AK9: variants seen among roughly 807,000 people sequenced by gnomAD.
AK9 encodes the protein adenylate kinase 9, also known as adenylate kinase domain containing 1.
Under a neutral mutation model 239.6 loss-of-function variants are expected in AK9, and 191 were observed. That is an observed-to-expected ratio of 0.80 (90% CI 0.71 to 0.90). AK9 has a LOEUF of 0.90. Among genes scored for constraint, AK9 ranks in the 40% least tolerant of loss-of-function variants. AK9 has a pLI of 0.00. For synonymous variants in AK9, 689 were observed against 721.0 expected (o/e 0.96, Z 0.71); for missense variants, 1,995 against 2,214.7 (o/e 0.90, Z 1.99).
Position 109,585,156 on chromosome 6 carries a change from A to G in AK9, c.2081T>C (p.Leu694Pro). 1 of 1,116,728 alleles carries G rather than the reference A, an allele frequency of 9.0e-7. No homozygotes were observed. Among genetic ancestry groups the G allele is most frequent in the South Asian group, 2.0e-5 (1 of 51,178 alleles). 69.2% of individuals were successfully genotyped at this position (1,116,728 alleles called of 1,614,324 possible). The change falls in exon 19 of 41, where the codon CTA becomes CCA. Residue 694 changes from leucine to proline, a missense_variant. Leu to Pro is a moderately conservative substitution (Grantham distance 98). Transcript: ENST00000424296. ...SKILERLLEE[L>P]QKKKKEEEEA... ...TTCTTCTTCTTTTTTTTTCTTTTGT[A>G]GTTCTTCTAATAATCTTTCTAAAAT...
intron 35 of AK9, 97 bp downstream of exon 35, chr6:109,506,230 G>A (rs1363732454): frequency 9.1e-7 from 1 of 1,093,540 alleles, no homozygotes; most frequent in Non-Finnish European, 1.4e-6. Flanking sequence ...AGTCACGCCT[G>A]ACTCATGTTC....
chr6:109,542,249 AG>A (rs1329215827), intron 26 of AK9, 78 bp from the exon 27 acceptor site: 14 of 1,370,028 alleles, frequency 1.0e-5, no homozygotes, highest in Non-Finnish European at 1.4e-5. Context: ...CATATGTGAA[AG>A]TTAAAGAGGA....
rs542761305 is a variant in AK9, at chr6:109,683,979, C to T, written c.-12+7168G>A. ...AATAAGAACAAAGCTGGAGGCATCA[C>T]GCTACCTGACTTCAAACTATACTAC... On this transcript the variant is annotated intron_variant, in intron 1 of 40. Transcript: ENST00000424296. Among the ~76,000 whole-genome samples, 22 of 152,242 alleles carry T rather than the reference C, an allele frequency of 1.4e-4. 1 individual carries two copies. The South Asian group carries it at 1.5e-3, about 10-fold the overall frequency.
chr6:109,562,097 G>T (rs1264592846), intron 24 of AK9, among the ~76,000 whole-genome samples: 1 of 152,038 alleles, frequency 6.6e-6, no homozygotes, highest in Non-Finnish European at 1.5e-5. Context: ...TATATATTGT[G>T]CAAATATTCA....
chr6:109,641,548 T>C lies in AK9; in HGVS notation c.903A>G (p.Ala301=), dbSNP rs749723294. 5 of 1,613,390 alleles carry C rather than the reference T, an allele frequency of 3.1e-6. No homozygotes were observed. The highest frequency in any genetic ancestry group is 1.7e-5 in the Admixed American group (1 of 59,968). Residue 301 remains alanine (A), a synonymous_variant, in exon 10 of 41, where the codon GCA becomes GCG. Transcript: ENST00000424296. ...RAAILTKLQG[A]EEEINDTMEN... ...CCATTGTGTCATTAATTTCTTCCTC[T>C]GCACCCTGAAGTTTGGTTAGAATAG... is the stretch of plus-strand genomic sequence containing the variant.
chr6:109,689,619 G>A (rs1312561447), intron 1 of AK9, among the ~76,000 whole-genome samples: 1 of 152,198 alleles, frequency 6.6e-6, no homozygotes, highest in Admixed American at 6.5e-5. Flanking sequence ...AGCCCACAGA[G>A]AAATTTCTCT....
chr6:109,596,849 G>C (rs1332976364), intron 17 of AK9, among the ~76,000 whole-genome samples: 2 of 152,070 alleles, frequency 1.3e-5, no homozygotes, highest in Admixed American at 6.5e-5. Flanking sequence ...TTTCCTTTGG[G>C]TAGATACCCA....
chr6:109,690,977 C>T (rs1774309520), intron 1 of AK9, among the ~76,000 whole-genome samples, 170 bp downstream of exon 1: 1 of 152,128 alleles, frequency 6.6e-6, no homozygotes, highest in Admixed American at 6.6e-5. Flanking sequence ...GAAAATGGGC[C>T]GCAGCAGGCA....
At chr6:109,653,684 TTCTC>T (rs1554284248) in intron 8 of AK9, among the ~76,000 whole-genome samples, 9 of 150,114 alleles carry the variant, frequency 6.0e-5, no homozygotes, top group African/African-American at 1.5e-4. Flanking sequence ...TTTTTTTTTT[TTCTC>T]TCTCTTTCTT....
chr6:109,657,613 A>G (rs930541053), intron 7 of AK9, among the ~76,000 whole-genome samples: 19 of 151,522 alleles, frequency 1.3e-4, no homozygotes, highest in African/African-American at 4.6e-4. Context: ...GGTTTGTTAC[A>G]TATGTATACA....
At chr6:109,518,863 A>G (rs1168692068) in intron 29 of AK9, among the ~76,000 whole-genome samples, 6 of 151,978 alleles carry the variant, frequency 3.9e-5, no homozygotes, top group South Asian at 2.1e-4. Context: ...GGCTTGTTAC[A>G]AGGGTATATT....
At chr6:109,680,150 C>T (rs923406193) in intron 1 of AK9, among the ~76,000 whole-genome samples, 4 of 152,108 alleles carry the variant, frequency 2.6e-5, no homozygotes, top group Admixed American at 2.6e-4. Context: ...TAATAACAAA[C>T]TCCTCCGAGC....
intron 8 of AK9, among the ~76,000 whole-genome samples, chr6:109,655,235 T>C (rs1355245701): frequency 6.6e-6 from 1 of 152,198 alleles, no homozygotes; most frequent in East Asian, 1.9e-4. Flanking sequence ...CCTGTTCATC[T>C]TTTAAATTTT....
At chr6:109,518,927 T>C (rs925212319) in intron 29 of AK9, among the ~76,000 whole-genome samples, 3 of 152,114 alleles carry the variant, frequency 2.0e-5, no homozygotes, top group Non-Finnish European at 4.4e-5. Context: ...ATAGTCAGCA[T>C]AGTACTCAAT....
At chr6:109,661,318 T>C (rs1800384062) in intron 6 of AK9, among the ~76,000 whole-genome samples, 1 of 152,220 alleles carries the variant, frequency 6.6e-6, no homozygotes, top group Non-Finnish European at 1.5e-5. Flanking sequence ...AATGGCAGTC[T>C]TGTTTTGCCT....
intron 12 of AK9, among the ~76,000 whole-genome samples, chr6:109,622,171 T>C (rs946348833): frequency 2.1e-5 from 3 of 146,148 alleles, no homozygotes; most frequent in Non-Finnish European, 4.5e-5. Context: ...CATTTTTATA[T>C]ATTTTATACA....
chr6:109,560,939 A>C (rs1785675481), intron 24 of AK9, among the ~76,000 whole-genome samples: 1 of 152,014 alleles, frequency 6.6e-6, no homozygotes, highest in Admixed American at 6.6e-5. Context: ...CAGAGTCTTC[A>C]GTTTGCCTTT....
At chr6:109,620,949 A>C (rs987496360) in intron 12 of AK9, among the ~76,000 whole-genome samples, 4 of 152,010 alleles carry the variant, frequency 2.6e-5, no homozygotes, top group African/African-American at 4.8e-5. Flanking sequence ...ATGCAAGCCT[A>C]AATTCCATGC....
intron 8 of AK9, among the ~76,000 whole-genome samples, chr6:109,649,640 G>A (rs982679568): frequency 2.3e-3 from 347 of 152,246 alleles, no homozygotes; most frequent in Non-Finnish European, 4.0e-3. Flanking sequence ...AATCAATATC[G>A]TGAAAATGGC....
Sources: gnomAD v4.1 joint callset for allele counts (sites outside exome capture counted in the v4.1 genomes callset) on GRCh38, gnomAD v4.1.1 for gene constraint, MANE v1.5 for transcripts, NCBI Gene and HGNC (gene_info 2026-07-23, HGNC 2026-07-21) for gene names.